The following NEAT1 variants were observed in gnomAD, a reference collection of about 807,000 sequenced individuals.
NEAT1 encodes MENepsilon/beta.
At chr11:65,441,508 A>G (rs1856713741) in exon 1 of NEAT1, 2 of 152,118 alleles carry the variant, frequency 1.3e-5, no homozygotes, top group African/African-American at 2.4e-5. Context: ...GGGCTATTAA[A>G]TATTTCTATT....
At chr11:65,437,213 A>ATG (rs1411893671) in exon 1 of NEAT1, 19 of 130,934 alleles carry the variant, frequency 1.5e-4, no homozygotes, top group Middle Eastern at 3.8e-3. Flanking sequence ...ATATATATGT[A>ATG]TATATATATA....
At chr11:65,444,528 C>T (rs1238221464) in exon 1 of NEAT1, 2 of 496,422 alleles carry the variant, frequency 4.0e-6, no homozygotes, top group Non-Finnish European at 8.3e-6. Context: ...CAGGGGCCCT[C>T]CCTCCATGGC....
exon 1 of NEAT1, chr11:65,440,784 A>G (rs1856706885): frequency 6.8e-6 from 1 of 146,898 alleles, no homozygotes; most frequent in African/African-American, 2.5e-5. Flanking sequence ...CGGAGGTTAC[A>G]GTCAGCTGAG....
At chr11:65,445,125 C>T (rs1856754746) in exon 1 of NEAT1, 1 of 152,394 alleles carries the variant, frequency 6.6e-6, no homozygotes, top group Non-Finnish European at 1.5e-5. Context: ...CTCGAGTTTC[C>T]TAGACTCACT....
exon 1 of NEAT1, chr11:65,438,324 G>T (rs192060312): frequency 6.6e-6 from 1 of 151,760 alleles, no homozygotes; most frequent in South Asian, 2.1e-4. Flanking sequence ...TATTATTACC[G>T]GTTTTCCATT....
chr11:65,440,508 C>G (rs972175674), exon 1 of NEAT1: 1 of 150,382 alleles, frequency 6.6e-6, no homozygotes, highest in African/African-American at 2.4e-5. Flanking sequence ...AAAAAATAAA[C>G]TAAGGCAATG....
exon 1 of NEAT1, chr11:65,444,434 T>A (rs1856746924): frequency 2.1e-6 from 1 of 471,958 alleles, no homozygotes; most frequent in African/African-American, 2.0e-5. Context: ...CTGAGCAGGT[T>A]ACAGTCCTCT....
At chr11:65,424,509 C>T (rs1482567472) in exon 1 of NEAT1, 1 of 152,196 alleles carries the variant, frequency 6.6e-6, no homozygotes, top group Non-Finnish European at 1.5e-5. Context: ...TGCCTGCCTT[C>T]TTGTGCGTTT....
At chr11:65,442,973 A>G (rs1245911471) in exon 1 of NEAT1, 1 of 152,252 alleles carries the variant, frequency 6.6e-6, no homozygotes, top group African/African-American at 2.4e-5. Flanking sequence ...TATCTGAGGA[A>G]GTGGCCTGTA....
exon 1 of NEAT1, chr11:65,426,953 A>G (rs190249818): frequency 1.3e-5 from 2 of 152,288 alleles, no homozygotes; most frequent in Admixed American, 1.3e-4. Context: ...GGGAGGCTGG[A>G]ATGTGCCTGG....
chr11:65,444,880 G>A (rs1448365568), exon 1 of NEAT1: 2 of 227,530 alleles, frequency 8.8e-6, no homozygotes, highest in East Asian at 1.4e-4. Context: ...AGGCGAGGCA[G>A]GCGGGCGTCT....
chr11:65,438,817 G>A (rs1238246792), exon 1 of NEAT1: 1 of 152,096 alleles, frequency 6.6e-6, no homozygotes. Context: ...ATTATTTCTG[G>A]TTTTTGGCTA....
exon 1 of NEAT1, chr11:65,423,157 A>AGG (rs986902768): frequency 6.5e-6 from 1 of 153,354 alleles, no homozygotes; most frequent in African/African-American, 2.4e-5. Context: ...GAGAGGTAGA[A>AGG]GGGGTGGAGG....
exon 1 of NEAT1, chr11:65,442,874 C>G (rs984746610): frequency 6.6e-6 from 1 of 152,070 alleles, no homozygotes; most frequent in Non-Finnish European, 1.5e-5. Context: ...AGTGAGACTC[C>G]GTCTCAAAAA....
At chr11:65,438,303 T>C (rs1266170327) in exon 1 of NEAT1, 1 of 152,246 alleles carries the variant, frequency 6.6e-6, no homozygotes, top group Non-Finnish European at 1.5e-5. Context: ...TTAATATTTA[T>C]GTATGTATTT....
exon 1 of NEAT1, chr11:65,429,717 C>T (rs1008265558): frequency 2.0e-5 from 3 of 152,064 alleles, no homozygotes; most frequent in Admixed American, 6.5e-5. Context: ...GGTTTCTGAA[C>T]TTGTTATGTG....
exon 1 of NEAT1, chr11:65,438,936 C>G (rs1269456435): frequency 2.0e-5 from 3 of 152,148 alleles, no homozygotes; most frequent in Non-Finnish European, 4.4e-5. Flanking sequence ...CATATGGTAA[C>G]TGTATATTTT....
exon 1 of NEAT1, chr11:65,428,673 A>G (rs866867882): frequency 2.6e-5 from 4 of 152,198 alleles, no homozygotes; most frequent in Non-Finnish European, 5.9e-5. Flanking sequence ...GAACAGGTAC[A>G]TGTTCCAAGG....
chr11:65,442,479 T>C (rs936185783), exon 1 of NEAT1: 2 of 152,280 alleles, frequency 1.3e-5, no homozygotes, highest in African/African-American at 4.8e-5. Context: ...CCTGAAGTCA[T>C]GCAAGCTGGG....
Sources: allele counts gnomAD v4.1 joint callset, GRCh38; gene constraint gnomAD v4.1.1; transcripts MANE v1.5; gene names NCBI Gene and HGNC (gene_info 2026-07-23, HGNC 2026-07-21).